The following GLCE variants were observed in gnomAD, a reference collection of about 807,000 sequenced individuals.
The protein encoded by GLCE is glucuronic acid epimerase.
A neutral mutation model predicts 47.9 loss-of-function variants in GLCE; 19 were observed. The observed-to-expected ratio is 0.40, with a 90% confidence interval of 0.28 to 0.58. The LOEUF (loss-of-function observed/expected upper bound fraction) is 0.58, where lower values mean the gene tolerates loss of function less well. GLCE is among the 20% of genes least tolerant of loss of function. GLCE has a pLI of 0.48. For missense variants in GLCE, 556 were observed against 743.3 expected (o/e 0.75, Z 2.93); for synonymous variants, 245 against 263.4 (o/e 0.93, Z 0.68).
At chr15:69,256,538 C>G in intron 3 of GLCE, 146 bp downstream of exon 3, 1 of 655,404 alleles carries the variant, frequency 1.5e-6, no homozygotes, top group East Asian at 2.7e-5. Context: ...CAGGTTAAGC[C>G]TGAACCTAGG....
At chr15:69,266,130 G>T (rs542919201) in intron 4 of GLCE, among the ~76,000 whole-genome samples, 6 of 152,152 alleles carry the variant, frequency 3.9e-5, no homozygotes, top group Non-Finnish European at 7.4e-5. Flanking sequence ...TCAGAGCATT[G>T]TTTGATGCAT....
Position 69,187,464 on chromosome 15 carries a change from A to G in GLCE, c.-104-22852A>G, listed in dbSNP as rs569931411. Among the ~76,000 whole-genome samples the G allele has an allele frequency of 5.9e-5, 9 of 152,324 alleles. No individual in the cohort carries two copies. In the South Asian group the frequency reaches 8.3e-4, roughly 14 times the overall value. ...TATTGTCCCCATTTTACAAAAGGAA[A>G]CATTGAAACATAGAGATTAAGTAAA... On this transcript the variant is annotated intron_variant, in intron 1 of 4. Transcript: ENST00000261858.
intron 2 of GLCE, among the ~76,000 whole-genome samples, chr15:69,252,453 C>T (rs772121720): frequency 2.6e-5 from 4 of 152,166 alleles, no homozygotes; most frequent in African/African-American, 7.2e-5. Flanking sequence ...TCAGATCTCA[C>T]GCAAACTCAT....
intron 1 of GLCE, among the ~76,000 whole-genome samples, chr15:69,162,077 GA>G (rs780464641): frequency 2.2e-4 from 33 of 152,164 alleles, no homozygotes; most frequent in Non-Finnish European, 4.4e-4. Flanking sequence ...TGTAGAGAGG[GA>G]TAACGTCAAA....
At chr15:69,210,285 T>G (rs1007423553) in intron 1 of GLCE, 31 bp from the exon 2 acceptor site, 1 of 152,138 alleles carries the variant, frequency 6.6e-6, no homozygotes, top group African/African-American at 2.4e-5. Flanking sequence ...AACTGGAAGC[T>G]GACTTAAGGT....
chr15:69,167,000 G>C (rs895164831), intron 1 of GLCE, among the ~76,000 whole-genome samples: 36 of 149,930 alleles, frequency 2.4e-4, no homozygotes, highest in African/African-American at 8.6e-4. Flanking sequence ...TGGATCACTT[G>C]AGTTCAGGAG....
rs534156580 is a variant in GLCE, at chr15:69,179,944, G to A, written c.-105+19187G>A. Among the ~76,000 whole-genome samples, 8 of 152,276 alleles carry A rather than the reference G, an allele frequency of 5.3e-5. No homozygotes were observed. The South Asian group carries it at 1.0e-3, about 20-fold the overall frequency. The stretch of plus-strand genomic sequence containing the variant: ...GGAGGTTGCAGTGAGCTGTGAATGC[G>A]CCACTGCACTCCAGCCTGGACGACA... On this transcript the variant is annotated intron_variant, in intron 1 of 4. Coordinates refer to ENST00000261858, the MANE Select transcript of GLCE (RefSeq NM_015554.3).
At chr15:69,166,648 G>A (rs1210196509) in intron 1 of GLCE, among the ~76,000 whole-genome samples, 2 of 152,136 alleles carry the variant, frequency 1.3e-5, no homozygotes, top group African/African-American at 2.4e-5. Flanking sequence ...GGCCAGGCGC[G>A]GTGGCTTACG....
At chr15:69,260,970 C>G (rs1213867305) in intron 3 of GLCE, 117 bp from the exon 4 acceptor site, 2 of 951,028 alleles carry the variant, frequency 2.1e-6, no homozygotes, top group Non-Finnish European at 1.6e-6. Flanking sequence ...ATAAGGAAGC[C>G]CACAACTTCC....
chr15:69,171,645 C>G (rs990421705), intron 1 of GLCE, among the ~76,000 whole-genome samples: 1 of 152,124 alleles, frequency 6.6e-6, no homozygotes, highest in African/African-American at 2.4e-5. Flanking sequence ...ATCCACCCAC[C>G]TTGACCTCCC....
chr15:69,175,734 C>G (rs779964215), intron 1 of GLCE, among the ~76,000 whole-genome samples: 18 of 152,162 alleles, frequency 1.2e-4, no homozygotes, highest in Non-Finnish European at 2.5e-4. Context: ...AAGTTTGGGT[C>G]CATATCAGAG....
At chr15:69,174,643 A>C (rs2051634888) in intron 1 of GLCE, among the ~76,000 whole-genome samples, 1 of 152,088 alleles carries the variant, frequency 6.6e-6, no homozygotes, top group African/African-American at 2.4e-5. Context: ...AAACAAACAA[A>C]CAAACAAAAC....
At chr15:69,163,021 C>T (rs1190607134) in intron 1 of GLCE, among the ~76,000 whole-genome samples, 6 of 152,146 alleles carry the variant, frequency 3.9e-5, no homozygotes, top group African/African-American at 1.2e-4. Flanking sequence ...ATATTTAAGA[C>T]TTTGAAGGGT....
intron 2 of GLCE, among the ~76,000 whole-genome samples, chr15:69,246,803 A>G (rs925192914): frequency 2.6e-5 from 4 of 152,106 alleles, no homozygotes; most frequent in Non-Finnish European, 4.4e-5. Flanking sequence ...AGGCATGGAT[A>G]CAGCATTAAT....
chr15:69,216,530 A>G (rs963592238), intron 2 of GLCE, among the ~76,000 whole-genome samples: 5 of 152,124 alleles, frequency 3.3e-5, no homozygotes, highest in African/African-American at 1.2e-4. Context: ...GTAGTTTTCT[A>G]CCCTATTTAA....
chr15:69,171,864 T>TA (rs2140330033), intron 1 of GLCE, among the ~76,000 whole-genome samples: 1 of 152,328 alleles, frequency 6.6e-6, no homozygotes, highest in African/African-American at 2.4e-5. Context: ...TATAAAGCTC[T>TA]AAGGGCCGCT....
intron 1 of GLCE, among the ~76,000 whole-genome samples, chr15:69,177,145 G>A (rs929506863): frequency 3.3e-5 from 5 of 151,780 alleles, no homozygotes; most frequent in African/African-American, 4.8e-5. Context: ...TCAGCCTTCC[G>A]AGTAGCTGGG....
rs1355818613 is a variant in GLCE, at chr15:69,269,367, G to A, written c.*123G>A. On this transcript the variant is annotated 3_prime_UTR_variant, in exon 5 of 5. Coordinates refer to ENST00000261858, the MANE Select transcript of GLCE (RefSeq NM_015554.3). The stretch of plus-strand genomic sequence containing the variant: ...AGGTTTTTGTGGATTCTATCAAAGT[G>A]ATAAGTGATCCTTAAAACCAGCCTT... 2.7e-6 allele frequency: 2 copies of A among 747,778 alleles called. No homozygotes were observed. Among genetic ancestry groups the A allele is most frequent in the East Asian group, 5.0e-5 (2 of 39,876 alleles). 46.3% of individuals were successfully genotyped at this position (747,778 alleles called of 1,614,324 possible).
chr15:69,187,833 C>A (rs908236241), intron 1 of GLCE, among the ~76,000 whole-genome samples: 6 of 152,010 alleles, frequency 3.9e-5, no homozygotes, highest in South Asian at 2.1e-4. Flanking sequence ...GAGGCCCAGG[C>A]GGGTGGATTG....
Sources: allele counts gnomAD v4.1 joint callset (sites outside exome capture counted in the v4.1 genomes callset), GRCh38; gene constraint gnomAD v4.1.1; transcripts MANE v1.5; gene names NCBI Gene and HGNC (gene_info 2026-07-23, HGNC 2026-07-21).